Variants in TTBK2 observed in about 807,000 individuals in gnomAD.
TTBK2 encodes the protein tau tubulin kinase 2.
In TTBK2, 28 loss-of-function variants were observed where a neutral mutation model predicts 110.8. The ratio of observed to expected loss-of-function variants is 0.25; its 90% CI spans 0.19 to 0.35. The LOEUF (loss-of-function observed/expected upper bound fraction) is 0.35, where lower values mean the gene tolerates loss of function less well. TTBK2 is among the 10% of genes least tolerant of loss of function. The pLI, the probability that TTBK2 is intolerant of heterozygous loss-of-function variation, is 1.00. For synonymous variants in TTBK2, 532 were observed against 527.3 expected (o/e 1.01, Z -0.12); for missense variants, 1,369 against 1,500.3 (o/e 0.91, Z 1.45).
At chr15:42,834,194 A>AC (rs1415468820) in intron 4 of TTBK2, among the ~76,000 whole-genome samples, 10 of 128,480 alleles carry the variant, frequency 7.8e-5, no homozygotes, top group Non-Finnish European at 1.5e-4. Context: ...AAAAAAAAAA[A>AC]AAGGGGGGGG....
At chr15:42,829,506 G>A (rs1017814413) in intron 5 of TTBK2, among the ~76,000 whole-genome samples, 1 of 152,194 alleles carries the variant, frequency 6.6e-6, no homozygotes, top group Non-Finnish European at 1.5e-5. Flanking sequence ...GGCAATGTTA[G>A]CACACATAAT....
At chr15:42,763,096 ATATATACG>A (rs1385682572) in intron 13 of TTBK2, among the ~76,000 whole-genome samples, 4 of 121,492 alleles carry the variant, frequency 3.3e-5, no homozygotes, top group African/African-American at 1.1e-4. Flanking sequence ...ATATATATAT[ATATATACG>A]TATATATATA....
intron 3 of TTBK2, among the ~76,000 whole-genome samples, chr15:42,844,521 T>C (rs1361906332): frequency 6.6e-6 from 1 of 152,188 alleles, no homozygotes; most frequent in Non-Finnish European, 1.5e-5. Context: ...ATCATGCCAC[T>C]GACTCCAGCC....
Position 42,763,157 on chromosome 15 carries a change from CATATATATATATAT to C in TTBK2, c.1999-9924_1999-9911del, listed in dbSNP as rs1567008803. Among the ~76,000 whole-genome samples the C allele has an allele frequency of 7.3e-3, 150 of 20,470 alleles. 4 individuals are homozygous for C. The highest frequency in any genetic ancestry group is 0.019 in the African/African-American group (94 of 4,852). 13.4% of individuals were successfully genotyped at this position (20,470 alleles called of 152,430 possible). On this transcript the variant is annotated intron_variant, in intron 13 of 14. Coordinates refer to ENST00000267890, the MANE Select transcript of TTBK2 (RefSeq NM_173500.4). ...ATATATACATACATATATATATATA[CATATATATATATAT>C]ATATATATATATATATATATATTTT...
At chr15:42,919,780 T>C in intron 1 of TTBK2, 1 of 985,342 alleles carries the variant, frequency 1.0e-6, no homozygotes, top group Non-Finnish European at 1.2e-6. Context: ...CCTCGACGGA[T>C]ACAAAATTAA....
intron 2 of TTBK2, among the ~76,000 whole-genome samples, chr15:42,876,793 C>T (rs1209844493): frequency 3.3e-5 from 5 of 151,866 alleles, no homozygotes; most frequent in Non-Finnish European, 7.4e-5. Flanking sequence ...TGGCAGATTC[C>T]AGGTCTAGGA....
At position 42,775,711 on chromosome 15, in the gene TTBK2, C is replaced by A. The variant is rs1237987165; in HGVS notation, c.1422G>T (p.Met474Ile). 6.2e-7 allele frequency: 1 copy of A among 1,611,460 alleles called. No homozygotes were observed. The highest frequency in any genetic ancestry group is 8.5e-7 in the Non-Finnish European group (1 of 1,179,796). The change falls in exon 13 of 15, where the codon ATG (methionine) becomes ATT (isoleucine). Residue 474 changes from methionine to isoleucine, a missense_variant. By Grantham distance (10) the Met-to-Ile change is conservative. Transcript: ENST00000267890. ...DKFLETCLEK[M>I]QKDTSAGKES... ...CTTTTCCTGCACTGGTATCTTTCTG[C>A]ATTTTCTCCAGGCTTAAGGAAATGG... is the stretch of plus-strand genomic sequence containing the variant.
intron 4 of TTBK2, among the ~76,000 whole-genome samples, chr15:42,834,135 C>T (rs1303269398): frequency 1.4e-5 from 2 of 139,814 alleles, no homozygotes; most frequent in East Asian, 2.2e-4. Context: ...GAGGCGGAAG[C>T]GAGCTGTGAT....
chr15:42,820,132 A>C (rs957832856), intron 6 of TTBK2, among the ~76,000 whole-genome samples: 3 of 152,256 alleles, frequency 2.0e-5, no homozygotes, highest in African/African-American at 7.2e-5. Context: ...ATAAGTAGTC[A>C]AAGAAATAAT....
intron 2 of TTBK2, among the ~76,000 whole-genome samples, chr15:42,874,656 C>T (rs1894743282): frequency 6.6e-6 from 1 of 151,142 alleles, no homozygotes; most frequent in Admixed American, 6.6e-5. Context: ...GAAAGGAATA[C>T]TACTTGAAAC....
At chr15:42,896,527 C>T (rs1895674931) in intron 1 of TTBK2, among the ~76,000 whole-genome samples, 1 of 152,140 alleles carries the variant, frequency 6.6e-6, no homozygotes, top group African/African-American at 2.4e-5. Flanking sequence ...TGGCTCACAC[C>T]TGTAATCCCA....
At position 42,801,965 on chromosome 15, in the gene TTBK2, G is replaced by T. The variant is rs1298260610; in HGVS notation, c.823-7164C>A. ...TTCTCCTGGCCCAGAGTCTCCAGCT[G>T]CCACTTAAGGTTGTTGATGTAGCTC... On this transcript the variant is annotated intron_variant, in intron 9 of 14. Transcript: ENST00000267890. 2.5e-6 allele frequency: 4 copies of T among 1,577,456 alleles called. No homozygotes were observed. In the African/African-American group the frequency reaches 5.4e-5, roughly 21 times the overall value.
chr15:42,764,788 T>A (rs764826542), intron 13 of TTBK2, among the ~76,000 whole-genome samples: 6 of 152,202 alleles, frequency 3.9e-5, no homozygotes, highest in Non-Finnish European at 8.8e-5. Flanking sequence ...GCTCGGAGAA[T>A]GGACAGACTG....
At chr15:42,862,160 A>G (rs1894182253) in intron 3 of TTBK2, among the ~76,000 whole-genome samples, 1 of 152,180 alleles carries the variant, frequency 6.6e-6, no homozygotes, top group African/African-American at 2.4e-5. Context: ...CAGCTGCACA[A>G]AGAACTGGTA....
intron 2 of TTBK2, among the ~76,000 whole-genome samples, 164 bp from the exon 3 acceptor site, chr15:42,872,922 A>G (rs1305533108): frequency 6.6e-6 from 1 of 152,242 alleles, no homozygotes; most frequent in Non-Finnish European, 1.5e-5. Flanking sequence ...AAGAAAACAT[A>G]TGCCTGAAAA....
intron 9 of TTBK2, among the ~76,000 whole-genome samples, chr15:42,799,666 C>T (rs545744253): frequency 1.3e-3 from 199 of 152,172 alleles, no homozygotes; most frequent in Non-Finnish European, 2.4e-3. Context: ...GAACTCCTGA[C>T]CTCAAGTGAT....
At chr15:42,778,055 G>A (rs1890009035) in intron 11 of TTBK2, among the ~76,000 whole-genome samples, 1 of 151,542 alleles carries the variant, frequency 6.6e-6, no homozygotes. Context: ...ACATGAGAAG[G>A]CCTGCTACCA....
chr15:42,820,241 A>C (rs1160599102), intron 6 of TTBK2, among the ~76,000 whole-genome samples: 1 of 152,194 alleles, frequency 6.6e-6, no homozygotes, highest in African/African-American at 2.4e-5. Flanking sequence ...GACAACTCAA[A>C]CCCAACTGGA....
intron 1 of TTBK2, among the ~76,000 whole-genome samples, chr15:42,907,012 C>G (rs2141202978): frequency 6.6e-6 from 1 of 151,048 alleles, no homozygotes; most frequent in African/African-American, 2.4e-5. Flanking sequence ...CAATGAGACC[C>G]TGTCTCATTA....
Sources: allele counts gnomAD v4.1 joint callset (sites outside exome capture counted in the v4.1 genomes callset), GRCh38; gene constraint gnomAD v4.1.1; transcripts MANE v1.5; gene names NCBI Gene and HGNC (gene_info 2026-07-23, HGNC 2026-07-21).